COPB2: variants seen among roughly 807,000 people sequenced by gnomAD.
The protein encoded by COPB2 is coat protein complex I subunit beta 2.
In COPB2, 16 loss-of-function variants were observed where a neutral mutation model predicts 120.8. The ratio of observed to expected loss-of-function variants is 0.13; its 90% CI spans 0.09 to 0.20. The LOEUF (loss-of-function observed/expected upper bound fraction) is 0.20, where lower values mean the gene tolerates loss of function less well. Among genes scored for constraint, COPB2 ranks in the 10% least tolerant of loss-of-function variants. The probability of loss-of-function intolerance (pLI) is 1.00; values close to 1 mark genes in which losing one functional copy is unlikely to be tolerated. For synonymous variants in COPB2, 332 were observed against 366.3 expected (o/e 0.91, Z 1.07); for missense variants, 794 against 1,076.5 (o/e 0.74, Z 3.67).
chr3:139,361,766 C>A (rs972076708), intron 16 of COPB2, among the ~76,000 whole-genome samples: 2 of 152,196 alleles, frequency 1.3e-5, no homozygotes, highest in African/African-American at 4.8e-5. Flanking sequence ...TTATTTTGCA[C>A]ATCTGAAATT....
At chr3:139,374,251 C>T (rs1295128985) in intron 7 of COPB2, 10 of 505,452 alleles carry the variant, frequency 2.0e-5, no homozygotes, top group Admixed American at 1.4e-4. Flanking sequence ...GGACAGCTGA[C>T]GGTCCTCTTA....
chr3:139,375,317 G>T, intron 6 of COPB2, 151 bp downstream of exon 6: 3 of 600,858 alleles, frequency 5.0e-6, no homozygotes, highest in South Asian at 7.1e-5. Context: ...CATTTTTATG[G>T]AGAATTCTGG....
chr3:139,372,524 C>T (rs1427834254), intron 9 of COPB2, among the ~76,000 whole-genome samples: 1 of 152,082 alleles, frequency 6.6e-6, no homozygotes, highest in East Asian at 1.9e-4. Context: ...CATTCTTAAC[C>T]TTTATAAGAC....
intron 15 of COPB2, among the ~76,000 whole-genome samples, chr3:139,363,255 TAGGAATC>T (rs750971582): frequency 6.6e-6 from 1 of 152,146 alleles, no homozygotes; most frequent in African/African-American, 2.4e-5. Context: ...TGTGGCCTGT[TAGGAATC>T]AGGCCGCACA....
Position 139,378,570 on chromosome 3 carries a change from A to T in COPB2, c.356-381T>A, listed in dbSNP as rs143471691. On this transcript the variant is annotated intron_variant, in intron 4 of 21. Coordinates refer to ENST00000333188, the MANE Select transcript of COPB2 (RefSeq NM_004766.3). ...ATTTGCCCTCACAAGATTGGTTTTT[A>T]AAAAGTTTTTAATTACTTCTCAATT... Among the ~76,000 whole-genome samples the T allele has an allele frequency of 2.2e-3, 329 of 152,348 alleles. 1 individual carries two copies. The highest frequency in any genetic ancestry group is 7.6e-3 in the African/African-American group (316 of 41,580).
intron 15 of COPB2, among the ~76,000 whole-genome samples, chr3:139,363,814 C>T (rs557265584): frequency 3.3e-5 from 5 of 152,224 alleles, no homozygotes; most frequent in Admixed American, 6.5e-5. Context: ...GCTGCCAACC[C>T]GCCCCGATCC....
In COPB2 at chr3:139,358,763, G is replaced by A; in HGVS notation, c.2534C>T (p.Ser845Leu). 1 of 1,612,560 alleles carries A rather than the reference G, an allele frequency of 6.2e-7. No homozygotes were observed. The highest frequency in any genetic ancestry group is 8.5e-7 in the Non-Finnish European group (1 of 1,178,902). The change falls in exon 20 of 22, where the codon TCA (serine) becomes TTA (leucine). Residue 845 changes from serine (S) to leucine (L), a missense_variant. Transcript: ENST00000333188. Reference sequence around the variant, plus strand: ...ACTGACCTGTTGAGCTGTAGATCTTGAGGGCTGAAAGTCTTTTCCCTCTTC... The same window carrying A: ...ACTGACCTGTTGAGCTGTAGATCTTAAGGGCTGAAAGTCTTTTCCCTCTTC... ...VMEEGKDFQP[S>L]RSTAQQELDG... is the part of the protein sequence containing the mutation.
At position 139,371,812 on chromosome 3, in the gene COPB2, A is replaced by G. The variant is rs765822724; in HGVS notation, c.1116T>C (p.Asp372=). ...PNGRFVVVCG[D]GEYIIYTAMA... ...TTGCTGTGTAGATGATATACTCCCC[A>G]TCACCACACACCACCACAAACCTAG... Residue 372 remains aspartate, a synonymous_variant, in exon 10 of 22, where the codon GAT becomes GAC. Transcript: ENST00000333188. 28 of 1,613,796 alleles carry G rather than the reference A, an allele frequency of 1.7e-5. No individual in the cohort carries two copies. In the South Asian group the frequency reaches 2.9e-4, roughly 16 times the overall value.
Position 139,361,168 on chromosome 3 carries a change from T to C in COPB2, c.2123A>G (p.Asn708Ser). 6.2e-7 allele frequency: 1 copy of C among 1,614,222 alleles called. No homozygotes were observed. Among genetic ancestry groups the C allele is most frequent in the Non-Finnish European group, 8.5e-7 (1 of 1,180,044 alleles). ...TGCTAGCTTGTTCACCATATTAGCATTTCCAGAGGCAGTGGCCAAAAGCAG... is the reference window on the plus strand; with the variant it reads ...TGCTAGCTTGTTCACCATATTAGCACTTCCAGAGGCAGTGGCCAAAAGCAG... ...GLLLLATASG[N>S]ANMVNKLAEG... The change falls in exon 17 of 22, where the codon AAT (asparagine) becomes AGT (serine). Residue 708 changes from asparagine to serine, a missense_variant. Coordinates refer to ENST00000333188, the MANE Select transcript of COPB2 (RefSeq NM_004766.3).
At chr3:139,388,625 AG>A (rs1169675622) in intron 1 of COPB2, among the ~76,000 whole-genome samples, 2 of 141,636 alleles carry the variant, frequency 1.4e-5, no homozygotes, top group Non-Finnish European at 3.1e-5. Flanking sequence ...CTTCATAACA[AG>A]TTTTTTTTTT....
At chr3:139,365,562 A>G (rs1941499259) in intron 15 of COPB2, among the ~76,000 whole-genome samples, 1 of 152,194 alleles carries the variant, frequency 6.6e-6, no homozygotes, top group Admixed American at 6.5e-5. Context: ...AGATAGGGGT[A>G]TAAGAAACAA....
intron 15 of COPB2, among the ~76,000 whole-genome samples, chr3:139,364,249 C>G (rs1328596415): frequency 6.6e-6 from 1 of 152,066 alleles, no homozygotes; most frequent in African/African-American, 2.4e-5. Context: ...GGGCTAAAAA[C>G]AAACAAACTG....
At chr3:139,389,485 G>A in intron 1 of COPB2, 63 bp downstream of exon 1, 1 of 1,504,282 alleles carries the variant, frequency 6.6e-7, no homozygotes, top group Non-Finnish European at 9.0e-7. Context: ...CCTCAGTCCA[G>A]AAGCTCCAGG....
intron 2 of COPB2, chr3:139,381,527 G>A (rs114925269): frequency 1.5e-3 from 235 of 152,316 alleles, no homozygotes; most frequent in African/African-American, 5.6e-3. Context: ...TGGGAAATAA[G>A]ATGAGGGTAA....
Position 139,373,365 on chromosome 3 carries a change from T to C in COPB2, c.942A>G (p.Ile314Met). The change falls in exon 9 of 22, where the codon ATA becomes ATG. Residue 314 changes from isoleucine to methionine, a missense_variant. Around this residue, in one of 3 missense-constraint regions of COPB2, gnomAD observed 610 missense variants for 866.7 expected, o/e 0.70. Transcript: ENST00000333188. ...PAMSMDANGK[I>M]IWAKHSEVQQ... ...GGACTTCTGAATGCTTGGCCCAAAT[T>C]ATCTTTCCATTGGCATCCATGGACA... 2 of 1,614,196 alleles carry C rather than the reference T, an allele frequency of 1.2e-6. No individual in the cohort carries two copies. Among genetic ancestry groups the C allele is most frequent in the Non-Finnish European group, 1.7e-6 (2 of 1,180,034 alleles).
At chr3:139,377,811 C>T (rs1334953846) in intron 5 of COPB2, among the ~76,000 whole-genome samples, 1 of 152,198 alleles carries the variant, frequency 6.6e-6, no homozygotes, top group Admixed American at 6.5e-5. Context: ...TTATAACATG[C>T]TGCCTCCACA....
At chr3:139,363,305 G>A (rs1224374850) in intron 15 of COPB2, among the ~76,000 whole-genome samples, 2 of 152,186 alleles carry the variant, frequency 1.3e-5, no homozygotes, top group Non-Finnish European at 2.9e-5. Flanking sequence ...GTGGGTGAGT[G>A]AGCATTACCG....
chr3:139,377,970 C>G (rs1368375865), intron 5 of COPB2, 71 bp downstream of exon 5: 25 of 1,360,464 alleles, frequency 1.8e-5, no homozygotes, highest in Non-Finnish European at 2.1e-5. Flanking sequence ...TCTGACCAGT[C>G]AACAGTAAAA....
chr3:139,385,030 G>A (rs187713722), intron 1 of COPB2: 2 of 152,092 alleles, frequency 1.3e-5, no homozygotes, highest in African/African-American at 2.4e-5. Context: ...ACGAAGTCTC[G>A]CTCTGTCGTC....
Sources: allele counts gnomAD v4.1 joint callset (sites outside exome capture counted in the v4.1 genomes callset), GRCh38; gene constraint gnomAD v4.1.1; regional missense constraint gnomAD v4.1.1; transcripts MANE v1.5; gene names NCBI Gene and HGNC (gene_info 2026-07-23, HGNC 2026-07-21).